The following GLCCI1 variants were observed in gnomAD, a reference collection of about 807,000 sequenced individuals.
GLCCI1 encodes the protein glucocorticoid induced 1.
A neutral mutation model predicts 52.2 loss-of-function variants in GLCCI1; 24 were observed. That is an observed-to-expected ratio of 0.46 (90% CI 0.33 to 0.65). GLCCI1 has a LOEUF of 0.65. Ranked by LOEUF, GLCCI1 falls within the 30% of genes least tolerant of loss-of-function variation. The pLI is 0.02. For synonymous variants in GLCCI1, 310 were observed against 276.5 expected, an observed-to-expected ratio of 1.12 and a Z score of -1.20; for missense variants, 704 against 701.5, an observed-to-expected ratio of 1.00 and a Z score of -0.04.
At chr7:7,981,185 A>G in intron 1 of GLCCI1, 1 of 365,066 alleles carries the variant, frequency 2.7e-6, no homozygotes, top group Non-Finnish European at 5.2e-6. Flanking sequence ...GATTTGGGCC[A>G]ATAAGAAGTT....
At chr7:8,052,292 C>T (rs1385764227) in intron 3 of GLCCI1, among the ~76,000 whole-genome samples, 6 of 152,148 alleles carry the variant, frequency 3.9e-5, no homozygotes, top group Admixed American at 3.9e-4. Flanking sequence ...CACCCTAGGG[C>T]AGGTTATCTT....
chr7:7,981,767 A>G (rs558110160), intron 1 of GLCCI1: 4 of 346,536 alleles, frequency 1.2e-5, no homozygotes, highest in African/African-American at 6.5e-5. Context: ...GATTTAAAGG[A>G]GTATACAAAG....
At chr7:8,055,320 C>T in intron 3 of GLCCI1, 113 bp from the exon 4 acceptor site, 2 of 545,666 alleles carry the variant, frequency 3.7e-6, no homozygotes, top group Non-Finnish European at 6.3e-6. Context: ...AATATTGTCT[C>T]TTCTTAGAAA....
intron 3 of GLCCI1, among the ~76,000 whole-genome samples, chr7:8,027,209 A>T (rs1410489410): frequency 6.6e-6 from 1 of 152,170 alleles, no homozygotes; most frequent in Middle Eastern, 3.2e-3. Context: ...CAAAGTAGCT[A>T]TGTTGAGGAA....
intron 4 of GLCCI1, among the ~76,000 whole-genome samples, chr7:8,058,001 T>G (rs1354820830): frequency 6.6e-6 from 1 of 152,156 alleles, no homozygotes; most frequent in Non-Finnish European, 1.5e-5. Flanking sequence ...TTGGTAAATG[T>G]TGATAATTTT....
At chr7:7,994,660 A>G (rs1461875866) in intron 1 of GLCCI1, among the ~76,000 whole-genome samples, 1 of 152,206 alleles carries the variant, frequency 6.6e-6, no homozygotes, top group Non-Finnish European at 1.5e-5. Flanking sequence ...TGGCAATTAA[A>G]TTCCAAGATG....
At chr7:8,047,499 TAAAAACAAAGACAAG>T (rs1782158468) in intron 3 of GLCCI1, among the ~76,000 whole-genome samples, 3 of 152,194 alleles carry the variant, frequency 2.0e-5, no homozygotes, top group Non-Finnish European at 4.4e-5. Flanking sequence ...TTAGTTGAGG[TAAAAACAAAGACAAG>T]TACATGCTGA....
chr7:8,080,561 C>T, intron 6 of GLCCI1, among the ~76,000 whole-genome samples: 1 of 151,326 alleles, frequency 6.6e-6, no homozygotes. Context: ...AGTTATAAAC[C>T]TGGACAACCT....
chr7:8,006,087 C>T (rs1234097042), intron 2 of GLCCI1, among the ~76,000 whole-genome samples: 1 of 152,194 alleles, frequency 6.6e-6, no homozygotes, highest in East Asian at 1.9e-4. Context: ...CATGCGCCAC[C>T]ACTCCTGGCC....
intron 5 of GLCCI1, among the ~76,000 whole-genome samples, chr7:8,061,864 A>G (rs1018078776): frequency 4.6e-5 from 7 of 151,348 alleles, no homozygotes; most frequent in Non-Finnish European, 8.8e-5. Context: ...ACAGGGTTTT[A>G]CCATGTTGAC....
At chr7:8,019,645 C>G (rs1357161481) in intron 2 of GLCCI1, among the ~76,000 whole-genome samples, 1 of 152,072 alleles carries the variant, frequency 6.6e-6, no homozygotes, top group South Asian at 2.1e-4. Flanking sequence ...TTACACAAAC[C>G]TAGATGGTGT....
intron 5 of GLCCI1, among the ~76,000 whole-genome samples, chr7:8,068,084 G>T (rs943655828): frequency 2.0e-5 from 3 of 152,112 alleles, no homozygotes; most frequent in Non-Finnish European, 4.4e-5. Flanking sequence ...AGGCACGGTG[G>T]CTCATGCCTA....
At chr7:8,077,016 T>G (rs941417086) in intron 6 of GLCCI1, among the ~76,000 whole-genome samples, 1 of 152,200 alleles carries the variant, frequency 6.6e-6, no homozygotes, top group Non-Finnish European at 1.5e-5. Flanking sequence ...AAACTAAGAT[T>G]ATGCTAAATT....
intron 2 of GLCCI1, among the ~76,000 whole-genome samples, chr7:8,008,287 CTT>C (rs371599508): frequency 4.0e-4 from 56 of 139,718 alleles, no homozygotes; most frequent in Admixed American, 4.3e-4. Flanking sequence ...TGTTGTATAT[CTT>C]TTTTTTTTTT....
chr7:7,973,194 T>C (rs2115400165), intron 1 of GLCCI1, among the ~76,000 whole-genome samples: 1 of 152,324 alleles, frequency 6.6e-6, no homozygotes, highest in East Asian at 1.9e-4. Flanking sequence ...ACATAAAGTC[T>C]ACCTTTGAGA....
chr7:7,973,413 CGTGT>C (rs57135358), intron 1 of GLCCI1, among the ~76,000 whole-genome samples: 3,347 of 147,656 alleles, frequency 0.023, 61 homozygotes, highest in East Asian at 0.083. Context: ...TCTTTGTGTG[CGTGT>C]GTGTGTGTGT....
At position 7,969,218 on chromosome 7, in the gene GLCCI1, C is replaced by G; in HGVS notation, c.-133C>G. 2.3e-5 allele frequency: 11 copies of G among 482,994 alleles called. No homozygotes were observed. Among genetic ancestry groups the G allele is most frequent in the Non-Finnish European group, 3.1e-5 (11 of 350,402 alleles). 29.9% of individuals were successfully genotyped at this position (482,994 alleles called of 1,614,324 possible). On this transcript the variant is annotated 5_prime_UTR_variant, in exon 1 of 8. Coordinates refer to ENST00000223145, the MANE Select transcript of GLCCI1 (RefSeq NM_138426.4). The surrounding 1 kb of genome is among the most constrained non-coding windows in gnomAD (Gnocchi z 4.9). ...GGGGAGGGGGAGCCCCGAGACTCCT[C>G]CCCCACAGCGATACCCCCGCCCCTC...
intron 1 of GLCCI1, among the ~76,000 whole-genome samples, chr7:7,989,287 C>A (rs1780794852): frequency 6.6e-6 from 1 of 152,096 alleles, no homozygotes; most frequent in African/African-American, 2.4e-5. Context: ...CTTGGGAGTT[C>A]CTCTCTTTCC....
chr7:7,969,864 G>T lies in GLCCI1; in HGVS notation c.457+57G>T, dbSNP rs886847672. On this transcript the variant is annotated intron_variant, in intron 1 of 7. Coordinates refer to ENST00000223145, the MANE Select transcript of GLCCI1 (RefSeq NM_138426.4). This position sits in a 1 kb window ranked among gnomAD's most constrained non-coding sequence, Gnocchi z 4.9. ...CTGCGTCTCCCCGACGGTGCCCTCC[G>T]TGGAAACTTCAGCCTCTTCGGGCTT... The T allele has an allele frequency of 5.7e-5, 75 of 1,315,442 alleles. No homozygotes were observed. The highest frequency in any genetic ancestry group is 7.1e-5 in the Non-Finnish European group (73 of 1,021,748). 81.5% of individuals were successfully genotyped at this position (1,315,442 alleles called of 1,614,324 possible).
Sources: gnomAD v4.1 joint callset for allele counts (sites outside exome capture counted in the v4.1 genomes callset) on GRCh38, gnomAD v4.1.1 for gene constraint, Gnocchi (gnomAD v3.1) non-coding constraint, MANE v1.5 for transcripts, NCBI Gene and HGNC (gene_info 2026-07-23, HGNC 2026-07-21) for gene names.